The following RIMS3 variants were observed in gnomAD, a reference collection of about 807,000 sequenced individuals.
The protein encoded by RIMS3 is regulating synaptic membrane exocytosis 3.
Under a neutral mutation model 29.2 loss-of-function variants are expected in RIMS3, and 15 were observed. The ratio of observed to expected loss-of-function variants is 0.51; its 90% CI spans 0.34 to 0.79. The LOEUF (loss-of-function observed/expected upper bound fraction) is 0.79, where lower values mean the gene tolerates loss of function less well. Ranked by LOEUF, RIMS3 falls within the 30% of genes least tolerant of loss-of-function variation. The pLI is 0.01. For missense variants in RIMS3, 342 were observed against 421.4 expected (o/e 0.81, Z 1.65); for synonymous variants, 161 against 170.1 (o/e 0.95, Z 0.41).
the RIMS3 span, chr1:40,681,373 G>A: frequency 6.6e-6 from 1 of 151,484 alleles, no homozygotes; most frequent in Non-Finnish European, 1.5e-5. Flanking sequence ...AGTGGATTTT[G>A]ACCCCAGAAC....
At chr1:40,642,283 G>C (rs1413221814) in intron 2 of RIMS3, among the ~76,000 whole-genome samples, 1 of 152,186 alleles carries the variant, frequency 6.6e-6, no homozygotes, top group African/African-American at 2.4e-5. Flanking sequence ...AACATCCTGA[G>C]GTTTCAGTGA....
chr1:40,676,911 C>T, the RIMS3 span, among the ~76,000 whole-genome samples: 1 of 152,150 alleles, frequency 6.6e-6, no homozygotes, highest in Admixed American at 6.5e-5. Context: ...ATATCTATCA[C>T]TTCTCCCATT....
the RIMS3 span, among the ~76,000 whole-genome samples, chr1:40,675,372 A>C: frequency 6.6e-6 from 1 of 152,238 alleles, no homozygotes; most frequent in Non-Finnish European, 1.5e-5. Flanking sequence ...CTGTAATTCC[A>C]ACCGGTTGGG....
At chr1:40,658,564 G>A (rs940453302) in intron 1 of RIMS3, among the ~76,000 whole-genome samples, 6 of 152,216 alleles carry the variant, frequency 3.9e-5, no homozygotes, top group African/African-American at 1.4e-4. Flanking sequence ...ACTGGACCAG[G>A]GTGGGCACCT....
intron 1 of RIMS3, among the ~76,000 whole-genome samples, chr1:40,650,407 C>T (rs1016632537): frequency 4.6e-5 from 7 of 152,210 alleles, no homozygotes; most frequent in Non-Finnish European, 8.8e-5. Context: ...GACAACCTCC[C>T]TTAGCTTCCC....
At chr1:40,633,001 C>T in intron 5 of RIMS3, 68 bp downstream of exon 5, 1 of 1,222,522 alleles carries the variant, frequency 8.2e-7, no homozygotes, top group Non-Finnish European at 1.2e-6. Flanking sequence ...GCAGGGCCCC[C>T]ACTGAGCTCA....
chr1:40,627,768 A>ATT (rs11315244), intron 7 of RIMS3, among the ~76,000 whole-genome samples: 10 of 148,696 alleles, frequency 6.7e-5, no homozygotes, highest in Non-Finnish European at 1.3e-4. Context: ...TGACCAGATA[A>ATT]TTTTTTTTTT....
At chr1:40,632,636 C>T (rs1229320246) in intron 5 of RIMS3, among the ~76,000 whole-genome samples, 1 of 151,450 alleles carries the variant, frequency 6.6e-6, no homozygotes, top group Non-Finnish European at 1.5e-5. Context: ...TTTTTTTTCC[C>T]TGAATATTTT....
chr1:40,680,417 C>T, the RIMS3 span, among the ~76,000 whole-genome samples: 27 of 151,552 alleles, frequency 1.8e-4, no homozygotes, highest in Non-Finnish European at 2.7e-4. Context: ...CTGCAACCTC[C>T]GCCTTCTGGG....
chr1:40,649,899 C>T (rs574283216), intron 1 of RIMS3, among the ~76,000 whole-genome samples: 1 of 152,282 alleles, frequency 6.6e-6, no homozygotes, highest in Non-Finnish European at 1.5e-5. Context: ...TTGAGAACCC[C>T]AGAGAGGCTG....
Position 40,626,602 on chromosome 1 carries a change from G to C in RIMS3, c.842C>G (p.Ser281Ter). 1 of 1,614,174 alleles carries C rather than the reference G, an allele frequency of 6.2e-7. No homozygotes were observed. The highest frequency in any genetic ancestry group is 8.5e-7 in the Non-Finnish European group (1 of 1,180,036). ...GGATCCGAGTGTGGAGTCTGCCACT[G>C]AGGAGGTGGGGAAGAGTTTGTACCA... is the stretch of plus-strand genomic sequence containing the variant. ...TGWYKLFPTS[S>*]VADSTLGSLT... Residue 281 changes from serine to a stop codon, truncating the protein, a stop_gained, in exon 8 of 8, where the codon TCA becomes TGA. Transcript: ENST00000372684. LOFTEE classifies it high-confidence loss of function.
chr1:40,650,339 C>T (rs887036388), intron 1 of RIMS3, among the ~76,000 whole-genome samples: 10 of 152,160 alleles, frequency 6.6e-5, no homozygotes, highest in African/African-American at 2.2e-4. Flanking sequence ...GGAACAATAC[C>T]GCCTGAGTCA....
chr1:40,687,113 T>C, the RIMS3 span, among the ~76,000 whole-genome samples: 1 of 152,178 alleles, frequency 6.6e-6, no homozygotes, highest in Non-Finnish European at 1.5e-5. Flanking sequence ...GATATTTGTA[T>C]ACTAATGTCC....
Position 40,623,861 on chromosome 1 carries a change from A to C in RIMS3, c.*2656T>G. 1 of 252,452 alleles carries C rather than the reference A, an allele frequency of 4.0e-6. No individual in the cohort carries two copies. The highest frequency in any genetic ancestry group is 7.5e-6 in the Non-Finnish European group (1 of 133,294). 15.6% of individuals were successfully genotyped at this position (252,452 alleles called of 1,614,324 possible). ...AGACGTGTCAGCCTCACACAACTTT[A>C]CCCTCATGGGGTAAAATCCAGGTGG... On this transcript the variant is annotated 3_prime_UTR_variant, in exon 8 of 8. Coordinates refer to ENST00000372684, the MANE Select transcript of RIMS3 (RefSeq NM_014747.3).
At chr1:40,685,402 T>C in the RIMS3 span, among the ~76,000 whole-genome samples, 100 of 134,238 alleles carry the variant, frequency 7.4e-4, 1 homozygote, top group African/African-American at 2.6e-3. Flanking sequence ...AAATTTATTA[T>C]GAGAGGAAAT....
chr1:40,645,734 G>A (rs1004176263), intron 2 of RIMS3, among the ~76,000 whole-genome samples: 1 of 152,124 alleles, frequency 6.6e-6, no homozygotes, highest in Non-Finnish European at 1.5e-5. Context: ...AAAGGGAAGG[G>A]GGTAAGGGAC....
chr1:40,667,124 G>A (rs1458932322), upstream of RIMS3, among the ~76,000 whole-genome samples: 1 of 152,172 alleles, frequency 6.6e-6, no homozygotes, highest in African/African-American at 2.4e-5. Context: ...GTCATCCTAC[G>A]CCTTCCCTTC....
chr1:40,691,028 C>A, the RIMS3 span: 1 of 152,142 alleles, frequency 6.6e-6, no homozygotes, highest in Non-Finnish European at 1.5e-5. Flanking sequence ...AAAATGGATA[C>A]AATCCTGATG....
At chr1:40,660,569 G>A (rs1642337880) in intron 1 of RIMS3, among the ~76,000 whole-genome samples, 2 of 151,624 alleles carry the variant, frequency 1.3e-5, no homozygotes, top group Admixed American at 1.3e-4. Context: ...TTGTAGAGAT[G>A]GGGTTTCGCC....
Sources: allele counts gnomAD v4.1 joint callset (sites outside exome capture counted in the v4.1 genomes callset), GRCh38; gene constraint gnomAD v4.1.1; transcripts MANE v1.5; gene names NCBI Gene and HGNC (gene_info 2026-07-23, HGNC 2026-07-21).